STX18: variants seen among roughly 807,000 people sequenced by gnomAD.
STX18 encodes the protein syntaxin-18.
Under a neutral mutation model 50.1 loss-of-function variants are expected in STX18, and 40 were observed. The observed-to-expected ratio is 0.80, with a 90% CI of 0.62 to 1.04. STX18 has a LOEUF of 1.04. STX18 is among the 50% of genes least tolerant of loss of function. The pLI is 0.00. For synonymous variants in STX18, 158 were observed against 151.8 expected (o/e 1.04, Z -0.30); for missense variants, 410 against 415.8 (o/e 0.99, Z 0.12).
intron 1 of STX18, among the ~76,000 whole-genome samples, chr4:4,496,742 T>C (rs946642240): frequency 1.3e-5 from 2 of 152,216 alleles, no homozygotes; most frequent in Admixed American, 1.3e-4. Context: ...AACAGCTGTC[T>C]CACCATGAGT....
At chr4:4,483,785 C>G (rs73796022) in intron 1 of STX18, among the ~76,000 whole-genome samples, 3 of 152,294 alleles carry the variant, frequency 2.0e-5, no homozygotes, top group South Asian at 4.1e-4. Flanking sequence ...TACTCTGAAT[C>G]GAGGTCAGCT....
chr4:4,431,473 T>G (rs772136024), intron 7 of STX18, among the ~76,000 whole-genome samples: 47 of 152,226 alleles, frequency 3.1e-4, no homozygotes, highest in Non-Finnish European at 5.1e-4. Context: ...CCAGCCTCCC[T>G]CCAGTGGAGT....
intron 1 of STX18, among the ~76,000 whole-genome samples, chr4:4,500,998 T>C (rs1022492308): frequency 6.6e-6 from 1 of 152,110 alleles, no homozygotes; most frequent in Non-Finnish European, 1.5e-5. Context: ...GATGGCGCCA[T>C]TGCACTCCAG....
intron 6 of STX18, among the ~76,000 whole-genome samples, chr4:4,435,067 A>ATG (rs1279824130): frequency 6.6e-6 from 1 of 152,012 alleles, no homozygotes; most frequent in Admixed American, 6.6e-5. Flanking sequence ...AGGCACGTGC[A>ATG]TGTGTGTGTG....
intron 1 of STX18, among the ~76,000 whole-genome samples, chr4:4,506,926 T>C (rs1349595534): frequency 6.6e-6 from 1 of 152,184 alleles, no homozygotes; most frequent in Non-Finnish European, 1.5e-5. Flanking sequence ...AAACTGTGGA[T>C]AACATGGGGG....
chr4:4,438,019 T>C (rs1470374368), intron 6 of STX18, among the ~76,000 whole-genome samples: 1 of 152,240 alleles, frequency 6.6e-6, no homozygotes, highest in Non-Finnish European at 1.5e-5. Flanking sequence ...GGTTATACAC[T>C]CTACCCGGAT....
At chr4:4,493,670 T>C (rs1666335047) in intron 1 of STX18, among the ~76,000 whole-genome samples, 1 of 152,232 alleles carries the variant, frequency 6.6e-6, no homozygotes, top group East Asian at 1.9e-4. Context: ...TCAATGATAC[T>C]AGAAGTCTAA....
At chr4:4,440,306 T>C (rs142128718) in intron 5 of STX18, among the ~76,000 whole-genome samples, 162 of 152,354 alleles carry the variant, frequency 1.1e-3, no homozygotes, top group African/African-American at 3.6e-3. Context: ...GCAATTTGTA[T>C]GGATAAATTT....
At chr4:4,521,658 TGTA>T (rs1730515564) in intron 1 of STX18, among the ~76,000 whole-genome samples, 1 of 152,122 alleles carries the variant, frequency 6.6e-6, no homozygotes, top group Non-Finnish European at 1.5e-5. Flanking sequence ...ATCAAATATT[TGTA>T]GTTGTCATTA....
At chr4:4,509,454 T>C (rs1304180919) in intron 1 of STX18, among the ~76,000 whole-genome samples, 2 of 152,138 alleles carry the variant, frequency 1.3e-5, no homozygotes. Context: ...ACTCTGGATA[T>C]TAGACCCTTG....
intron 1 of STX18, among the ~76,000 whole-genome samples, chr4:4,537,230 A>G (rs879879621): frequency 2.6e-5 from 4 of 152,118 alleles, no homozygotes; most frequent in Admixed American, 6.5e-5. Context: ...AAACTCCTGC[A>G]TTTTCTAGTT....
At chr4:4,455,756 G>A (rs1348326222) in intron 5 of STX18, among the ~76,000 whole-genome samples, 6 of 152,196 alleles carry the variant, frequency 3.9e-5, no homozygotes, top group Non-Finnish European at 7.3e-5. Flanking sequence ...AACACTTCAC[G>A]TGTTGTCATA....
chr4:4,424,271 T>C (rs1725126090), intron 8 of STX18, among the ~76,000 whole-genome samples: 1 of 152,104 alleles, frequency 6.6e-6, no homozygotes, highest in Non-Finnish European at 1.5e-5. Context: ...AGTCAACTGC[T>C]GTTCCAGCAC....
At chr4:4,444,698 A>G (rs7693922) in intron 5 of STX18, among the ~76,000 whole-genome samples, 46,723 of 151,984 alleles carry the variant, frequency 0.31, 8,987 homozygotes, top group African/African-American at 0.55. Flanking sequence ...TCTGAGTTCC[A>G]TGAGTTCTTC....
intron 2 of STX18, among the ~76,000 whole-genome samples, chr4:4,468,440 G>A (rs556824582): frequency 4.4e-4 from 67 of 152,204 alleles, no homozygotes; most frequent in African/African-American, 1.6e-3. Flanking sequence ...CATGTCGCCA[G>A]CCTGCGATGA....
At chr4:4,448,982 C>A (rs903894726) in intron 5 of STX18, among the ~76,000 whole-genome samples, 38 of 147,238 alleles carry the variant, frequency 2.6e-4, no homozygotes, top group African/African-American at 8.0e-4. Context: ...AGCAGTAGAC[C>A]AAAAAAAAAG....
chr4:4,425,461 C>G, intron 7 of STX18: 1 of 594,684 alleles, frequency 1.7e-6, no homozygotes, highest in Non-Finnish European at 3.0e-6. Flanking sequence ...TCAACCACTG[C>G]ACTCCAGGGG....
intron 2 of STX18, among the ~76,000 whole-genome samples, chr4:4,468,256 T>C (rs1477145141): frequency 1.3e-5 from 2 of 152,196 alleles, no homozygotes; most frequent in African/African-American, 4.8e-5. Context: ...GTCCCCTCCC[T>C]TTCTCACCAT....
chr4:4,499,977 G>C (rs569812553), intron 1 of STX18, among the ~76,000 whole-genome samples: 37 of 152,150 alleles, frequency 2.4e-4, no homozygotes, highest in African/African-American at 8.7e-4. Flanking sequence ...CCTCACCATG[G>C]GGGCAGAGGT....
Sources: gnomAD v4.1 joint callset for allele counts (sites outside exome capture counted in the v4.1 genomes callset) on GRCh38, gnomAD v4.1.1 for gene constraint, MANE v1.5 for transcripts, NCBI Gene and HGNC (gene_info 2026-07-23, HGNC 2026-07-21) for gene names.